TLN2: variants seen among roughly 807,000 people sequenced by gnomAD.
TLN2 encodes the protein talin-2.
Under a neutral mutation model 294.7 loss-of-function variants are expected in TLN2, and 118 were observed. The observed-to-expected ratio is 0.40, with a 90% confidence interval of 0.34 to 0.47. The LOEUF is 0.47. Among genes scored for constraint, TLN2 ranks in the 20% least tolerant of loss-of-function variants. The pLI is 0.84. For synonymous variants in TLN2, 1,431 were observed against 1,304.5 expected, an observed-to-expected ratio of 1.10 and a Z score of -2.09; for missense variants, 3,083 against 3,282.2, an observed-to-expected ratio of 0.94 and a Z score of 1.48.
chr15:62,588,669 T>TAC (rs1440029400), intron 1 of TLN2, among the ~76,000 whole-genome samples: 1,060 of 40,262 alleles, frequency 0.026, 12 homozygotes, highest in Non-Finnish European at 0.036. Context: ...TTTTTTCATA[T>TAC]ATATATATAT....
Position 62,797,285 on chromosome 15 carries a change from G to A in TLN2, c.6117G>A (p.Ala2039=), listed in dbSNP as rs772151916. The A allele has an allele frequency of 7.1e-5, 115 of 1,613,664 alleles. 1 individual carries two copies. The highest frequency in any genetic ancestry group is 1.3e-4 in the African/African-American group (10 of 74,882). ...CGAAACTACTTGTGTCAGGAGCTGC[G>A]TCCACTCCTGACAAGCTGGCCCAGG... The part of the protein sequence containing the change: ...EDTKLLVSGA[A]STPDKLAQAA... The change falls in exon 48 of 59, where the codon GCG becomes GCA. Residue 2039 remains alanine (A), a synonymous_variant. Transcript: ENST00000636159.
chr15:62,442,115 A>G (rs1337300157), intron 1 of TLN2, among the ~76,000 whole-genome samples: 1 of 152,058 alleles, frequency 6.6e-6, no homozygotes, highest in African/African-American at 2.4e-5. Flanking sequence ...ACAGGTCACA[A>G]CCTGAGGCTT....
At chr15:62,832,319 G>C (rs766026325) in intron 54 of TLN2, 1 of 152,104 alleles carries the variant, frequency 6.6e-6, no homozygotes, top group Non-Finnish European at 1.5e-5. Flanking sequence ...AAGTATTGCT[G>C]GGCCTGGCCA....
intron 11 of TLN2, among the ~76,000 whole-genome samples, chr15:62,679,387 G>A (rs1230056726): frequency 6.6e-6 from 1 of 152,188 alleles, no homozygotes. Context: ...TGATGAATGG[G>A]TAGACAATTT....
rs1037053560 is a variant in TLN2 at position 62,402,676 on chromosome 15, A to G, written c.-238+11991A>G. Among the ~76,000 whole-genome samples, 4 of 152,026 alleles carry G rather than the reference A, an allele frequency of 2.6e-5. No homozygotes were observed. In the East Asian group the frequency reaches 7.8e-4, roughly 29 times the overall value. On this transcript the variant is annotated intron_variant, in intron 1 of 58. Transcript: ENST00000636159. ...ATTTATGGCCACAAACCTCAAGGGG[A>G]CTCTTGACACTTTCAGGTCCACTAT...
At chr15:62,523,902 G>T (rs12441323) in intron 1 of TLN2, among the ~76,000 whole-genome samples, 3 of 152,134 alleles carry the variant, frequency 2.0e-5, no homozygotes, top group African/African-American at 4.8e-5. Flanking sequence ...TTCCTTTCCT[G>T]TATTGAACAT....
chr15:62,623,763 T>C (rs1199948145), intron 3 of TLN2, among the ~76,000 whole-genome samples: 2 of 152,186 alleles, frequency 1.3e-5, no homozygotes, highest in East Asian at 1.9e-4. Flanking sequence ...GGTTTTACTG[T>C]TTCTTTTAGG....
At chr15:62,691,026 G>A (rs1459557407) in intron 12 of TLN2, among the ~76,000 whole-genome samples, 4 of 101,460 alleles carry the variant, frequency 3.9e-5, no homozygotes, top group Admixed American at 9.4e-5. Context: ...GAGGGAGACC[G>A]TGGGAGAGGG....
intron 28 of TLN2, among the ~76,000 whole-genome samples, chr15:62,736,129 A>G (rs1452386277): frequency 6.6e-6 from 1 of 152,056 alleles, no homozygotes; most frequent in South Asian, 2.1e-4. Context: ...TGGCTAACAC[A>G]GTGAAACCCC....
rs1194831246 is a variant in TLN2 at position 62,833,557 on chromosome 15, C to T, written c.7056C>T (p.Ser2352=). Reference sequence around the variant, plus strand: ...AACAGATCTTGGAAGCTGCTAAATCCATTGCTGCTGCCACAAGCGCCCTGG... The same window carrying T: ...AACAGATCTTGGAAGCTGCTAAATCTATTGCTGCTGCCACAAGCGCCCTGG... ...FEEQILEAAK[S]IAAATSALVK... is the part of the protein sequence containing the mutation. Residue 2352 remains serine, a synonymous_variant, in exon 55 of 59, where the codon TCC becomes TCT. Transcript: ENST00000636159. 3 of 1,614,176 alleles carry T rather than the reference C, an allele frequency of 1.9e-6. No homozygotes were observed. The highest frequency in any genetic ancestry group is 2.2e-5 in the South Asian group (2 of 91,074).
intron 3 of TLN2, among the ~76,000 whole-genome samples, chr15:62,642,701 GTTT>G (rs1355609761): frequency 2.8e-5 from 4 of 140,664 alleles, no homozygotes; most frequent in African/African-American, 7.8e-5. Flanking sequence ...TTTGTTTTCT[GTTT>G]TTTTTTTTTT....
intron 21 of TLN2, among the ~76,000 whole-genome samples, chr15:62,709,698 A>C (rs996743945): frequency 6.6e-6 from 1 of 151,766 alleles, no homozygotes; most frequent in African/African-American, 2.4e-5. Context: ...TAACCTTTTC[A>C]TTTTATATAT....
At chr15:62,492,461 G>A (rs898836512) in intron 1 of TLN2, among the ~76,000 whole-genome samples, 2 of 151,778 alleles carry the variant, frequency 1.3e-5, no homozygotes, top group African/African-American at 2.4e-5. Flanking sequence ...CCAAGGCTGA[G>A]GTGAGAATTG....
At chr15:62,544,509 G>A (rs2041878614) in intron 1 of TLN2, among the ~76,000 whole-genome samples, 2 of 152,178 alleles carry the variant, frequency 1.3e-5, no homozygotes, top group Admixed American at 6.5e-5. Flanking sequence ...AACACTGTGT[G>A]TACAAGGAAG....
Position 62,673,980 on chromosome 15 carries a change from A to C in TLN2, c.852+90A>C, listed in dbSNP as rs137876346. 3.7e-4 allele frequency: 350 copies of C among 954,552 alleles called. No individual in the cohort carries two copies. In the African/African-American group the frequency reaches 5.1e-3, roughly 14 times the overall value. The allele number at this position is 954,552 out of a possible 1,614,324, so 59.1% of individuals were successfully genotyped here. A position where few individuals can be genotyped will look rare whatever the true frequency, so the allele number is the denominator to read the frequency against. On this transcript the variant is annotated intron_variant, in intron 10 of 58. Transcript: ENST00000636159. The stretch of plus-strand genomic sequence containing the variant: ...GGGCCTCTGCGCATGGTAGTTTTAT[A>C]CCTCGTGCCTGTACTCTGATATAAT...
chr15:62,723,874 G>A (rs531117251), intron 26 of TLN2, among the ~76,000 whole-genome samples: 26 of 151,346 alleles, frequency 1.7e-4, no homozygotes, highest in African/African-American at 6.3e-4. Context: ...GCAGCATAAG[G>A]ATTAAGAGTT....
intron 54 of TLN2, chr15:62,830,181 G>C (rs540334958): frequency 6.6e-6 from 1 of 152,120 alleles, no homozygotes; most frequent in African/African-American, 2.4e-5. Context: ...CGAGGATTCC[G>C]TTATCCCCTT....
intron 54 of TLN2, among the ~76,000 whole-genome samples, chr15:62,825,765 ATATAT>A (rs1236595591): frequency 3.2e-5 from 2 of 62,908 alleles, no homozygotes; most frequent in South Asian, 4.9e-4. Context: ...AATTATAATT[ATATAT>A]TATATAATAT....
intron 1 of TLN2, among the ~76,000 whole-genome samples, chr15:62,479,563 G>T (rs998090104): frequency 6.6e-6 from 1 of 152,070 alleles, no homozygotes; most frequent in Non-Finnish European, 1.5e-5. Flanking sequence ...TGCAACCTCC[G>T]CCTCCTGGGT....
Sources: gnomAD v4.1 joint callset for allele counts (sites outside exome capture counted in the v4.1 genomes callset) on GRCh38, gnomAD v4.1.1 for gene constraint, MANE v1.5 for transcripts, NCBI Gene and HGNC (gene_info 2026-07-23, HGNC 2026-07-21) for gene names.